CNTN5: variants seen among roughly 807,000 people sequenced by gnomAD.
CNTN5 encodes the protein contactin-5.
A neutral mutation model predicts 129.1 loss-of-function variants in CNTN5; 77 were observed. The observed-to-expected ratio is 0.60, with a 90% confidence interval of 0.50 to 0.72. CNTN5 has a LOEUF of 0.72. CNTN5 is among the 30% of genes least tolerant of loss of function. The pLI, the probability that CNTN5 is intolerant of heterozygous loss-of-function variation, is 0.00. For missense variants in CNTN5, 1,478 were observed against 1,328.8 expected (o/e 1.11, Z -1.75); for synonymous variants, 509 against 465.6 (o/e 1.09, Z -1.20).
intron 1 of CNTN5, among the ~76,000 whole-genome samples, chr11:99,309,196 G>T (rs534631002): frequency 8.9e-4 from 132 of 148,262 alleles, no homozygotes; most frequent in Admixed American, 1.6e-3. Context: ...TATCTAGAGT[G>T]TTGGGTGGTT....
intron 8 of CNTN5, among the ~76,000 whole-genome samples, chr11:99,989,535 A>G (rs1403575501): frequency 6.6e-6 from 1 of 152,032 alleles, no homozygotes; most frequent in African/African-American, 2.4e-5. Context: ...ACACTTCACC[A>G]AGTCAAATTA....
At chr11:99,538,290 G>C (rs149213149) in intron 2 of CNTN5, among the ~76,000 whole-genome samples, 3,006 of 152,200 alleles carry the variant, frequency 0.02, 95 homozygotes, top group African/African-American at 0.067. Flanking sequence ...AGCAGCACAC[G>C]TTCTATTTAC....
intron 1 of CNTN5, among the ~76,000 whole-genome samples, chr11:99,104,728 G>T (rs971561589): frequency 3.3e-5 from 5 of 151,688 alleles, no homozygotes; most frequent in African/African-American, 1.2e-4. Context: ...AAAAATGCAA[G>T]AAAGAAAAAA....
intron 3 of CNTN5, among the ~76,000 whole-genome samples, chr11:99,782,577 A>G (rs1945351381): frequency 1.3e-5 from 2 of 151,894 alleles, no homozygotes; most frequent in South Asian, 4.2e-4. Context: ...ACTTCAAACT[A>G]TACTGCAAGG....
At chr11:99,466,535 G>A (rs1202807256) in intron 2 of CNTN5, among the ~76,000 whole-genome samples, 1 of 151,634 alleles carries the variant, frequency 6.6e-6, no homozygotes, top group African/African-American at 2.4e-5. Context: ...ACTGCAAAGA[G>A]AGGCAAAACT....
At chr11:100,198,917 T>C (rs1251912663) in intron 15 of CNTN5, among the ~76,000 whole-genome samples, 2 of 151,962 alleles carry the variant, frequency 1.3e-5, no homozygotes, top group Non-Finnish European at 2.9e-5. Flanking sequence ...ATATTAATTT[T>C]CTTATTACAG....
intron 17 of CNTN5, among the ~76,000 whole-genome samples, chr11:100,264,822 G>A (rs1950270045): frequency 6.6e-6 from 1 of 152,006 alleles, no homozygotes; most frequent in Non-Finnish European, 1.5e-5. Context: ...TCTTCCCCAA[G>A]GGTCGAGCTA....
chr11:100,026,503 G>A (rs986821805), intron 9 of CNTN5, among the ~76,000 whole-genome samples: 3 of 152,144 alleles, frequency 2.0e-5, no homozygotes, highest in African/African-American at 7.2e-5. Flanking sequence ...ATTTTCACCA[G>A]CAATGAATGA....
intron 1 of CNTN5, among the ~76,000 whole-genome samples, chr11:99,159,465 A>G (rs1266055911): frequency 6.6e-6 from 1 of 152,096 alleles, no homozygotes; most frequent in Non-Finnish European, 1.5e-5. Context: ...TACTAAAAAT[A>G]CAAAAAAGTA....
intron 1 of CNTN5, among the ~76,000 whole-genome samples, chr11:99,147,989 C>T (rs1282332542): frequency 6.6e-6 from 1 of 151,960 alleles, no homozygotes; most frequent in East Asian, 1.9e-4. Flanking sequence ...GAATAACTTT[C>T]CAGCCATTCA....
chr11:100,310,205 T>C (rs1951444675), intron 21 of CNTN5, among the ~76,000 whole-genome samples: 1 of 151,910 alleles, frequency 6.6e-6, no homozygotes. Context: ...AATCGGAACA[T>C]CTGGGGCAGA....
intron 1 of CNTN5, among the ~76,000 whole-genome samples, chr11:99,027,096 A>C (rs12804843): frequency 1.3e-5 from 2 of 151,282 alleles, no homozygotes; most frequent in African/African-American, 2.4e-5. Context: ...AAATGACAGA[A>C]GGGGTTTTTT....
chr11:99,600,843 A>AT, intron 3 of CNTN5, among the ~76,000 whole-genome samples: 1 of 152,272 alleles, frequency 6.6e-6, no homozygotes, highest in African/African-American at 2.4e-5. Context: ...ATAGGATGAC[A>AT]TTTTCAAGAA....
At chr11:99,727,615 T>G (rs1393061238) in intron 3 of CNTN5, among the ~76,000 whole-genome samples, 2 of 151,878 alleles carry the variant, frequency 1.3e-5, no homozygotes, top group African/African-American at 4.8e-5. Flanking sequence ...AAAAAATCAA[T>G]TAAGGGAAGG....
intron 1 of CNTN5, among the ~76,000 whole-genome samples, chr11:99,039,093 G>A (rs145963117): frequency 4.6e-5 from 7 of 152,084 alleles, no homozygotes; most frequent in African/African-American, 7.2e-5. Context: ...AATATTAAAC[G>A]ATTGAAAATT....
chr11:99,989,631 T>C (rs1938925477), intron 8 of CNTN5, among the ~76,000 whole-genome samples: 1 of 152,202 alleles, frequency 6.6e-6, no homozygotes, highest in Non-Finnish European at 1.5e-5. Context: ...TGCATGTAAT[T>C]ACAGAGAATT....
intron 18 of CNTN5, among the ~76,000 whole-genome samples, chr11:100,277,567 T>A (rs1054701697): frequency 2.0e-5 from 3 of 152,182 alleles, no homozygotes; most frequent in African/African-American, 7.2e-5. Flanking sequence ...ATTCCCCTGA[T>A]GATCAATTAT....
intron 13 of CNTN5, among the ~76,000 whole-genome samples, chr11:100,079,540 G>A (rs974762297): frequency 6.6e-6 from 1 of 152,018 alleles, no homozygotes; most frequent in Non-Finnish European, 1.5e-5. Flanking sequence ...TGTCCTAGCC[G>A]ACCAAATATT....
intron 8 of CNTN5, among the ~76,000 whole-genome samples, chr11:99,962,592 A>C (rs1484925250): frequency 6.6e-6 from 1 of 151,000 alleles, no homozygotes; most frequent in African/African-American, 2.4e-5. Context: ...AGTCTTTGCT[A>C]TTGTGAATAA....
Sources: gnomAD v4.1 joint callset for allele counts (sites outside exome capture counted in the v4.1 genomes callset) on GRCh38, gnomAD v4.1.1 for gene constraint, MANE v1.5 for transcripts, NCBI Gene and HGNC (gene_info 2026-07-23, HGNC 2026-07-21) for gene names.